Variants in DLG3 observed in about 807,000 individuals in gnomAD.
DLG3 encodes disks large homolog 3.
A neutral mutation model predicts 64.1 loss-of-function variants in DLG3; 1 was observed. The ratio of observed to expected loss-of-function variants is 0.02; its 90% CI spans 0.01 to 0.07. The LOEUF is 0.07. DLG3 is among the 10% of genes least tolerant of loss of function. DLG3 has a pLI of 1.00. For missense variants in DLG3, 429 were observed against 669.5 expected (o/e 0.64, Z 3.96); for synonymous variants, 245 against 259.8 (o/e 0.94, Z 0.55).
chrX:70,476,848 G>A (rs1359055439), intron 9 of DLG3, among the ~76,000 whole-genome samples: 1 of 112,648 alleles, frequency 8.9e-6, no homozygotes, highest in Non-Finnish European at 1.9e-5. Context: ...CTGCCTAGTA[G>A]ACTTTAGATA....
At chrX:70,450,577 C>T in intron 5 of DLG3, 62 bp from the exon 6 acceptor site, 4 of 1,184,448 alleles carry the variant, frequency 3.4e-6, no homozygotes, top group African/African-American at 1.7e-5. Context: ...AGGCATCCCT[C>T]GAGTTCCCTG....
intron 10 of DLG3, among the ~76,000 whole-genome samples, chrX:70,486,073 C>T (rs906532718): frequency 8.9e-6 from 1 of 111,735 alleles, no homozygotes; most frequent in African/African-American, 3.3e-5. Flanking sequence ...GAAGTTGCAT[C>T]TGCTCTTCAT....
chrX:70,450,413 T>C, intron 5 of DLG3, 108 bp downstream of exon 5: 1 of 1,027,731 alleles, frequency 9.7e-7, no homozygotes, highest in Non-Finnish European at 1.3e-6. Context: ...CATGGGGGAA[T>C]TTCAAGAGTT....
chrX:70,483,192 G>A (rs1479850395), intron 10 of DLG3, among the ~76,000 whole-genome samples: 1 of 111,796 alleles, frequency 8.9e-6, no homozygotes, highest in Non-Finnish European at 1.9e-5. Context: ...GCTAAGGCAG[G>A]AGGATCACTT....
Position 70,451,329 on chromosome X carries a change from C to T in DLG3, c.986-538C>T, listed in dbSNP as rs1392411753. 3.6e-5 allele frequency among the ~76,000 whole-genome samples: 4 copies of T among 111,181 alleles called. No homozygotes were observed. The East Asian group carries it at 1.1e-3, about 31-fold the overall frequency. ...TGTTGGCAAGGATGGTCTCGATCTCCTGACCTCGTGATCCACCCACCTCGG... is the reference window on the plus strand; with the variant it reads ...TGTTGGCAAGGATGGTCTCGATCTCTTGACCTCGTGATCCACCCACCTCGG... On this transcript the variant is annotated intron_variant, in intron 6 of 18. Transcript: ENST00000374360.
intron 18 of DLG3, 21 bp downstream of exon 18, chrX:70,501,010 CG>C: frequency 8.9e-7 from 1 of 1,118,877 alleles, no homozygotes; most frequent in Non-Finnish European, 1.2e-6. Flanking sequence ...TGCTGCCCTG[CG>C]GGGGGTTCTG....
rs771980242 is a variant in DLG3 at position 70,475,178 on chromosome X, A to G, written c.1406-3972A>G. Reference sequence around the variant, plus strand: ...GACCCCCATCTCTACAAAAAATAAAATATAAAAAACAAAAAAAAACCCACA... The same window carrying G: ...GACCCCCATCTCTACAAAAAATAAAGTATAAAAAACAAAAAAAAACCCACA... On this transcript the variant is annotated intron_variant, in intron 9 of 18. Transcript: ENST00000374360. 1.6e-4 allele frequency among the ~76,000 whole-genome samples: 18 copies of G among 110,664 alleles called. 1 individual carries two copies. In the South Asian group the frequency reaches 7.1e-3, roughly 43 times the overall value.
intron 10 of DLG3, among the ~76,000 whole-genome samples, chrX:70,491,064 C>T (rs989442893): frequency 1.8e-5 from 2 of 110,951 alleles, no homozygotes; most frequent in Non-Finnish European, 3.8e-5. Context: ...AGGCATGCAA[C>T]ATCACACCCA....
intron 9 of DLG3, chrX:70,454,998 C>A (rs1025396754): frequency 4.0e-5 from 30 of 750,731 alleles, no homozygotes; most frequent in Non-Finnish European, 4.4e-5. Flanking sequence ...CCCTAGCCTG[C>A]GGGCCAGTGG....
chrX:70,494,284 C>G (rs2087413583), intron 12 of DLG3, among the ~76,000 whole-genome samples: 1 of 112,460 alleles, frequency 8.9e-6, no homozygotes, highest in South Asian at 3.7e-4. Flanking sequence ...AACACCAGGT[C>G]TGGCTTGAAA....
At chrX:70,445,677 T>C in intron 1 of DLG3, 119 bp downstream of exon 1, 2 of 665,246 alleles carry the variant, frequency 3.0e-6, no homozygotes, top group Non-Finnish European at 4.6e-6. Context: ...CCCCGAGCCC[T>C]AGCATTGCAG....
intron 6 of DLG3, chrX:70,451,141 C>T (rs367622464): frequency 2.7e-5 from 6 of 225,782 alleles, no homozygotes; most frequent in South Asian, 2.5e-4. Flanking sequence ...CTTGCTCTGT[C>T]GCCAGGCTGG....
chrX:70,501,299 C>A (rs771121657), intron 18 of DLG3, among the ~76,000 whole-genome samples: 1 of 110,461 alleles, frequency 9.1e-6, no homozygotes, highest in Non-Finnish European at 1.9e-5. Flanking sequence ...CAGCTCCACT[C>A]CCCCTCCCCC....
intron 17 of DLG3, 56 bp from the exon 18 acceptor site, chrX:70,500,842 T>C (rs1488327695): frequency 9.4e-7 from 1 of 1,059,428 alleles, no homozygotes; most frequent in Non-Finnish European, 1.3e-6. Context: ...TAATCCTTTA[T>C]GGTTAATCAG....
At chrX:70,487,532 G>A (rs942523488) in intron 10 of DLG3, among the ~76,000 whole-genome samples, 3 of 111,457 alleles carry the variant, frequency 2.7e-5, no homozygotes, top group Non-Finnish European at 5.6e-5. Flanking sequence ...CCTCCTTTTG[G>A]GCTTCTTGCT....
intron 15 of DLG3, among the ~76,000 whole-genome samples, chrX:70,499,544 C>T (rs1022370393): frequency 2.7e-5 from 3 of 111,672 alleles, no homozygotes; most frequent in African/African-American, 9.8e-5. Context: ...GAGGCCCAGC[C>T]AAAGTGGTGT....
At chrX:70,480,572 C>T (rs776772526) in intron 10 of DLG3, among the ~76,000 whole-genome samples, 18 of 111,934 alleles carry the variant, frequency 1.6e-4, no homozygotes, top group Non-Finnish European at 3.4e-4. Flanking sequence ...TCCAATTCCC[C>T]GGAAAGGAAA....
Position 70,497,330 on chromosome X carries a change from T to C in DLG3, c.1820-1190T>C, listed in dbSNP as rs961008786. 5 of 794,543 alleles carry C rather than the reference T, an allele frequency of 6.3e-6. No homozygotes were observed. In the African/African-American group the frequency reaches 1.0e-4, roughly 16 times the overall value. 65.5% of individuals were successfully genotyped at this position (794,543 alleles called of 1,213,427 possible). A position where few individuals can be genotyped will look rare whatever the true frequency, so the allele number is the denominator to read the frequency against. On this transcript the variant is annotated intron_variant, in intron 13 of 18. Coordinates refer to ENST00000374360, the MANE Select transcript of DLG3 (RefSeq NM_021120.4). ...TGCTGCTCAGAGGCTGGTGCTTCTT[T>C]TAGCCATGTACACTTTGAGATCCTA...
At chrX:70,462,499 C>T (rs190496598) in intron 9 of DLG3, among the ~76,000 whole-genome samples, 1 of 111,004 alleles carries the variant, frequency 9.0e-6, no homozygotes, top group African/African-American at 3.3e-5. Context: ...ATCCACCCAC[C>T]TCGGCCTCCC....
Sources: gnomAD v4.1 joint callset for allele counts (sites outside exome capture counted in the v4.1 genomes callset) on GRCh38, gnomAD v4.1.1 for gene constraint, MANE v1.5 for transcripts, NCBI Gene and HGNC (gene_info 2026-07-23, HGNC 2026-07-21) for gene names.